Variants in HYDIN observed in about 807,000 individuals in gnomAD.
The protein encoded by HYDIN is axonemal central pair apparatus protein HYDIN.
A neutral mutation model predicts 403.9 loss-of-function variants in HYDIN; 132 were observed. The ratio of observed to expected loss-of-function variants is 0.33; its 90% confidence interval spans 0.28 to 0.38. The LOEUF is 0.38. Among genes scored for constraint, HYDIN ranks in the 10% least tolerant of loss-of-function variants. The pLI, the probability that HYDIN is intolerant of heterozygous loss-of-function variation, is 1.00. For missense variants in HYDIN, 2,827 were observed against 5,009.5 expected (o/e 0.56, Z 13.15); for synonymous variants, 1,202 against 1,891.7 (o/e 0.64, Z 9.46).
At chr16:71,086,579 G>T (rs958745381) in intron 12 of HYDIN, among the ~76,000 whole-genome samples, 12 of 151,606 alleles carry the variant, frequency 7.9e-5, no homozygotes, top group Non-Finnish European at 1.2e-4. Flanking sequence ...TACAGATAGG[G>T]CCATTATTCC....
intron 22 of HYDIN, 143 bp from the exon 23 acceptor site, chr16:71,018,585 CAT>C (rs1363260631): frequency 2.6e-5 from 16 of 609,668 alleles, no homozygotes; most frequent in Non-Finnish European, 4.7e-5. Context: ...TGTGCATACA[CAT>C]ATAAACACAC....
At chr16:71,063,552 T>G (rs1437527074) in intron 16 of HYDIN, among the ~76,000 whole-genome samples, 1 of 152,216 alleles carries the variant, frequency 6.6e-6, no homozygotes, top group East Asian at 1.9e-4. Context: ...CACTCCACTC[T>G]GAGTTCTTGA....
chr16:71,170,143 G>T (rs1348391771), intron 5 of HYDIN, among the ~76,000 whole-genome samples: 1 of 152,110 alleles, frequency 6.6e-6, no homozygotes, highest in African/African-American at 2.4e-5. Flanking sequence ...CCATCAGGCT[G>T]GATAAAAGGA....
intron 1 of HYDIN, among the ~76,000 whole-genome samples, chr16:71,207,510 C>T (rs1322306981): frequency 1.3e-5 from 2 of 152,162 alleles, no homozygotes; most frequent in Non-Finnish European, 2.9e-5. Flanking sequence ...AGCAACCACA[C>T]AAACAAGTCT....
chr16:71,135,359 A>G (rs2084876754), intron 8 of HYDIN, among the ~76,000 whole-genome samples: 1 of 149,662 alleles, frequency 6.7e-6, no homozygotes, highest in Non-Finnish European at 1.5e-5. Flanking sequence ...TATATTCTCT[A>G]TAGTTTAGCA....
At chr16:70,940,294 G>C (rs907414975) in intron 43 of HYDIN, among the ~76,000 whole-genome samples, 1 of 150,922 alleles carries the variant, frequency 6.6e-6, no homozygotes, top group East Asian at 2.0e-4. Context: ...CGTCATCCTC[G>C]CAAGTTTGAG....
intron 75 of HYDIN, 86 bp from the exon 76 acceptor site, chr16:70,840,319 G>C (rs1405192302): frequency 1.6e-6 from 2 of 1,225,682 alleles, no homozygotes; most frequent in East Asian, 4.8e-5. Flanking sequence ...CAGGAAAGCA[G>C]TTGGTGCTTT....
At chr16:71,055,217 A>G (rs1291057120) in intron 18 of HYDIN, among the ~76,000 whole-genome samples, 2 of 152,304 alleles carry the variant, frequency 1.3e-5, no homozygotes, top group African/African-American at 2.4e-5. Context: ...TGAAAGTCAG[A>G]CCACTGGGGC....
intron 1 of HYDIN, among the ~76,000 whole-genome samples, chr16:71,201,448 A>G (rs2088006431): frequency 6.6e-6 from 1 of 152,118 alleles, no homozygotes; most frequent in Non-Finnish European, 1.5e-5. Context: ...AAACAATGTC[A>G]TGGGTTTCCC....
chr16:70,819,095 A>C (rs1567651913), intron 83 of HYDIN, among the ~76,000 whole-genome samples: 1 of 150,642 alleles, frequency 6.6e-6, no homozygotes, highest in Non-Finnish European at 1.5e-5. Flanking sequence ...TTGCAGTTTT[A>C]GTAGAGACGG....
intron 1 of HYDIN, among the ~76,000 whole-genome samples, chr16:71,212,620 T>C (rs979105057): frequency 5.9e-5 from 9 of 151,804 alleles, no homozygotes; most frequent in African/African-American, 1.9e-4. Flanking sequence ...ATTACTAAAG[T>C]AGAAAATAGA....
Position 70,804,042 on chromosome 16 carries a change from G to A in HYDIN, c.*3538C>T, listed in dbSNP as rs879132611. Among the ~76,000 whole-genome samples the A allele has an allele frequency of 6.6e-6, 1 of 152,214 alleles. No homozygotes were observed. Among genetic ancestry groups the A allele is most frequent in the Admixed American group, 6.5e-5 (1 of 15,286 alleles). On this transcript the variant is annotated 3_prime_UTR_variant, in exon 86 of 86. Transcript: ENST00000393567. The stretch of plus-strand genomic sequence containing the variant: ...GTGTTGGAAGGGTTATTTTCATCAA[G>A]CCTGCTGTTAAGCTACTTTGCCATT...
At chr16:71,170,367 A>G (rs544133767) in intron 5 of HYDIN, among the ~76,000 whole-genome samples, 12 of 152,334 alleles carry the variant, frequency 7.9e-5, no homozygotes, top group African/African-American at 2.4e-4. Flanking sequence ...ATAAAACATA[A>G]CAGACATTTT....
intron 7 of HYDIN, among the ~76,000 whole-genome samples, chr16:71,138,826 G>C (rs1041066914): frequency 1.3e-5 from 2 of 152,180 alleles, no homozygotes; most frequent in African/African-American, 4.8e-5. Context: ...GCTCATGCAT[G>C]TAATCCCAGC....
intron 12 of HYDIN, among the ~76,000 whole-genome samples, chr16:71,082,353 A>G (rs2082810028): frequency 6.6e-6 from 1 of 152,164 alleles, no homozygotes; most frequent in African/African-American, 2.4e-5. Context: ...CAAACCACTA[A>G]CAATGCAACA....
At position 71,067,354 on chromosome 16, in the gene HYDIN, G is replaced by T. The variant is rs770565763; in HGVS notation, c.2011C>A (p.Leu671Met). 7 of 1,612,538 alleles carry T rather than the reference G, an allele frequency of 4.3e-6. No homozygotes were observed. Among genetic ancestry groups the T allele is most frequent in the Non-Finnish European group, 5.9e-6 (7 of 1,179,464 alleles). ...LCSNTVQKYE[L>M]ALVVDVEGIG... is the part of the protein sequence containing the mutation. ...CCCTCCACGTCCACCACGAGTGCCA[G>T]CTCGTATTTCTGCACAGTGTTGGAG... Residue 671 changes from leucine (L) to methionine (M), a missense_variant, in exon 15 of 86, where the codon CTG becomes ATG. By Grantham distance (15) the Leu-to-Met change is conservative (BLOSUM62 2). Transcript: ENST00000393567.
At chr16:71,144,576 C>A (rs2085296758) in intron 7 of HYDIN, among the ~76,000 whole-genome samples, 2 of 149,060 alleles carry the variant, frequency 1.3e-5, no homozygotes, top group African/African-American at 2.5e-5. Flanking sequence ...ACGCAGGCAC[C>A]CACAGGAAGA....
intron 23 of HYDIN, among the ~76,000 whole-genome samples, chr16:70,996,558 C>G (rs2079539810): frequency 6.6e-6 from 1 of 151,942 alleles, no homozygotes; most frequent in Non-Finnish European, 1.5e-5. Flanking sequence ...TGCTGTGAGC[C>G]ATAGTTCACA....
intron 5 of HYDIN, among the ~76,000 whole-genome samples, chr16:71,163,536 C>T (rs570851120): frequency 4.6e-5 from 7 of 152,232 alleles, no homozygotes; most frequent in South Asian, 2.1e-4. Flanking sequence ...ACAAGGTGGC[C>T]GAAGTTATGC....
Sources: gnomAD v4.1 joint callset for allele counts (sites outside exome capture counted in the v4.1 genomes callset) on GRCh38, gnomAD v4.1.1 for gene constraint, MANE v1.5 for transcripts, NCBI Gene and HGNC (gene_info 2026-07-23, HGNC 2026-07-21) for gene names.